SMAD1: variants seen among roughly 807,000 people sequenced by gnomAD.
SMAD1 encodes the protein MAD, mothers against decapentaplegic homolog 1.
In SMAD1, 6 loss-of-function variants were observed where a neutral mutation model predicts 41.6. That is an observed-to-expected ratio of 0.14 (90% CI 0.08 to 0.28). SMAD1 has a LOEUF of 0.28. Ranked by LOEUF, SMAD1 falls within the 10% of genes least tolerant of loss-of-function variation. The probability of loss-of-function intolerance (pLI) is 1.00; values close to 1 mark genes in which losing one functional copy is unlikely to be tolerated. For synonymous variants in SMAD1, 206 were observed against 203.2 expected (o/e 1.01, Z -0.12); for missense variants, 379 against 582.6 (o/e 0.65, Z 3.60).
intron 1 of SMAD1, among the ~76,000 whole-genome samples, chr4:145,486,997 C>CT (rs143336420): frequency 0.013 from 2,007 of 152,204 alleles, 42 homozygotes; most frequent in African/African-American, 0.045. Flanking sequence ...CTGTTAGCAA[C>CT]TTTTTATACC....
chr4:145,523,583 A>G (rs1057474963), intron 2 of SMAD1, among the ~76,000 whole-genome samples: 2 of 152,218 alleles, frequency 1.3e-5, no homozygotes, highest in African/African-American at 4.8e-5. Context: ...ATAACTATAA[A>G]CAAAAATAAC....
chr4:145,556,466 T>C (rs1219097034), intron 6 of SMAD1, among the ~76,000 whole-genome samples: 4 of 152,172 alleles, frequency 2.6e-5, no homozygotes, highest in Non-Finnish European at 5.9e-5. Flanking sequence ...TTCTTTTTTT[T>C]CTTTTTTCTT....
chr4:145,496,030 G>A (rs1455088612), intron 1 of SMAD1, among the ~76,000 whole-genome samples: 2 of 152,022 alleles, frequency 1.3e-5, no homozygotes, highest in African/African-American at 4.8e-5. Context: ...CTGATGTCTT[G>A]TTGAATGATA....
In SMAD1 at chr4:145,542,588, C is replaced by G; in HGVS notation, c.665C>G (p.Thr222Arg). ...PGSPFQMPAD[T>R]PPPAYLPPED... ...TTCTTTAAAAACTTTGTAGCTGATA[C>G]GCCCCCACCTGCTTACCTGCCTCCT... Residue 222 changes from threonine (T) to arginine (R), a missense_variant, in exon 4 of 7, where the codon ACG (threonine) becomes AGG (arginine). By Grantham distance (71) the Thr-to-Arg change is moderately conservative. Transcript: ENST00000302085. 1 of 1,599,728 alleles carries G rather than the reference C, an allele frequency of 6.3e-7. No individual in the cohort carries two copies. The highest frequency in any genetic ancestry group is 1.1e-5 in the South Asian group (1 of 88,678).
chr4:145,483,252 T>G (rs1728293843), intron 1 of SMAD1: 1 of 152,156 alleles, frequency 6.6e-6, no homozygotes, highest in South Asian at 2.1e-4. Flanking sequence ...AGTTTCAAAG[T>G]ACGTGGAATG....
At chr4:145,491,874 T>C (rs1040518923) in intron 1 of SMAD1, among the ~76,000 whole-genome samples, 1 of 152,182 alleles carries the variant, frequency 6.6e-6, no homozygotes, top group African/African-American at 2.4e-5. Flanking sequence ...CAGTATTAGA[T>C]TTTATAGTGG....
Position 145,537,570 on chromosome 4 carries a change from GT to G in SMAD1, c.401-2226del, listed in dbSNP as rs565536210. Among the ~76,000 whole-genome samples, 563 of 151,984 alleles carry G rather than the reference GT, an allele frequency of 3.7e-3. 3 individuals carry two copies. Among genetic ancestry groups the G allele is most frequent in the African/African-American group, 0.013 (543 of 41,456 alleles). ...TGGAAATAACCCAAGCATTGAGTTGGTTTTTTTTCCCCCAACCCAAGTATTT... is the reference window on the plus strand; with the variant it reads ...TGGAAATAACCCAAGCATTGAGTTGGTTTTTTTCCCCCAACCCAAGTATTT... On this transcript the variant is annotated intron_variant, in intron 2 of 6. Transcript: ENST00000302085.
upstream of SMAD1, chr4:145,481,208 C>T (rs1015925722): frequency 2.6e-5 from 4 of 152,094 alleles, no homozygotes; most frequent in African/African-American, 4.8e-5. Context: ...TTTGGAGCAA[C>T]AAGGTTACCT....
intron 2 of SMAD1, among the ~76,000 whole-genome samples, chr4:145,527,528 C>T (rs894106243): frequency 5.9e-5 from 9 of 152,054 alleles, no homozygotes; most frequent in African/African-American, 1.9e-4. Flanking sequence ...CGGCCCTATT[C>T]TCATTTAATT....
intron 2 of SMAD1, among the ~76,000 whole-genome samples, chr4:145,521,900 T>TA (rs10713518): frequency 0.077 from 9,502 of 124,054 alleles, 386 homozygotes; most frequent in African/African-American, 0.11. Context: ...TGGTTTTCTG[T>TA]AAAAAAAAAA....
At chr4:145,487,757 G>A (rs926077533) in intron 1 of SMAD1, among the ~76,000 whole-genome samples, 2 of 152,174 alleles carry the variant, frequency 1.3e-5, no homozygotes, top group African/African-American at 4.8e-5. Context: ...CAGTTTTAGA[G>A]GTGCAGGGCT....
intron 1 of SMAD1, among the ~76,000 whole-genome samples, chr4:145,490,026 G>A (rs1560721003): frequency 1.3e-5 from 2 of 152,160 alleles, no homozygotes; most frequent in African/African-American, 2.4e-5. Flanking sequence ...ACAGTTCAGG[G>A]TGAAGGAGAA....
At chr4:145,534,870 C>G (rs1355024987) in intron 2 of SMAD1, among the ~76,000 whole-genome samples, 1 of 151,840 alleles carries the variant, frequency 6.6e-6, no homozygotes, top group Non-Finnish European at 1.5e-5. Flanking sequence ...TTCTAGGACT[C>G]AAAAATAAAT....
chr4:145,518,249 G>A (rs886357895), intron 2 of SMAD1, among the ~76,000 whole-genome samples: 1 of 125,884 alleles, frequency 7.9e-6, no homozygotes, highest in Admixed American at 7.5e-5. Flanking sequence ...TTACGTTCTA[G>A]CCTGGGCAGT....
intron 2 of SMAD1, 54 bp from the exon 3 acceptor site, chr4:145,539,750 T>G (rs1420404677): frequency 6.4e-7 from 1 of 1,555,870 alleles, no homozygotes; most frequent in Non-Finnish European, 8.8e-7. Context: ...GTGATGTAAT[T>G]ATAGATCATA....
chr4:145,493,819 C>T (rs1263413292), intron 1 of SMAD1, among the ~76,000 whole-genome samples: 1 of 152,200 alleles, frequency 6.6e-6, no homozygotes, highest in African/African-American at 2.4e-5. Flanking sequence ...AAGTCATTTT[C>T]TGCCCTGAAG....
At chr4:145,545,969 C>T (rs533261945) in intron 4 of SMAD1, 9 of 152,278 alleles carry the variant, frequency 5.9e-5, no homozygotes, top group African/African-American at 1.9e-4. Context: ...GGGTAATTTC[C>T]ATTGTTGGCC....
intron 1 of SMAD1, among the ~76,000 whole-genome samples, chr4:145,508,521 AATAG>A (rs1274985959): frequency 6.6e-6 from 1 of 152,202 alleles, no homozygotes; most frequent in Non-Finnish European, 1.5e-5. Context: ...TAAACTGGTT[AATAG>A]ATAAACAGCA....
chr4:145,536,259 A>G (rs1025715457), intron 2 of SMAD1, among the ~76,000 whole-genome samples: 49 of 152,280 alleles, frequency 3.2e-4, no homozygotes, highest in African/African-American at 9.9e-4. Context: ...CTTAGAATCA[A>G]TGTGGCTCCA....
Sources: gnomAD v4.1 joint callset for allele counts (sites outside exome capture counted in the v4.1 genomes callset) on GRCh38, gnomAD v4.1.1 for gene constraint, MANE v1.5 for transcripts, NCBI Gene and HGNC (gene_info 2026-07-23, HGNC 2026-07-21) for gene names.